The following NR3C2 variants were observed in gnomAD, a reference collection of about 807,000 sequenced individuals.
NR3C2 encodes the protein nuclear receptor subfamily 3 group C member 2.
Under a neutral mutation model 86.4 loss-of-function variants are expected in NR3C2, and 15 were observed. That is an observed-to-expected ratio of 0.17 (90% confidence interval 0.12 to 0.27). The LOEUF (loss-of-function observed/expected upper bound fraction) is 0.27, where lower values mean the gene tolerates loss of function less well. NR3C2 is among the 10% of genes least tolerant of loss of function. The pLI, the probability that NR3C2 is intolerant of heterozygous loss-of-function variation, is 1.00. For synonymous variants in NR3C2, 458 were observed against 450.5 expected (o/e 1.02, Z -0.21); for missense variants, 960 against 1,195.6 (o/e 0.80, Z 2.91).
rs79670786 is a variant in NR3C2, at chr4:148,248,815, G to T, written c.1897+11163C>A. Among the ~76,000 whole-genome samples, 188 of 152,160 alleles carry T rather than the reference G, an allele frequency of 1.2e-3. 7 individuals carry two copies. The East Asian group carries it at 0.033, about 27-fold the overall frequency. ...GTTTAAATATTCCAAATTTTATTGA[G>T]AACCAAGGTGTAATATTACTTAACA... On this transcript the variant is annotated intron_variant, in intron 3 of 8. Coordinates refer to ENST00000358102, the MANE Select transcript of NR3C2 (RefSeq NM_000901.5).
At chr4:148,265,704 A>G (rs1446455472) in intron 2 of NR3C2, among the ~76,000 whole-genome samples, 1 of 152,222 alleles carries the variant, frequency 6.6e-6, no homozygotes. Flanking sequence ...TTCCATATGT[A>G]ATCAATTCAA....
intron 2 of NR3C2, among the ~76,000 whole-genome samples, chr4:148,301,913 C>A (rs1742355686): frequency 6.6e-6 from 1 of 152,114 alleles, no homozygotes; most frequent in Non-Finnish European, 1.5e-5. Context: ...GTTATATTTT[C>A]AAGAATAGTA....
intron 2 of NR3C2, among the ~76,000 whole-genome samples, chr4:148,272,965 A>G (rs982379159): frequency 6.6e-6 from 1 of 152,232 alleles, no homozygotes; most frequent in Non-Finnish European, 1.5e-5. Flanking sequence ...AACTGCAAGA[A>G]GGCAAGAAAT....
At chr4:148,124,497 G>A (rs920801702) in intron 6 of NR3C2, among the ~76,000 whole-genome samples, 17 of 152,020 alleles carry the variant, frequency 1.1e-4, no homozygotes, top group African/African-American at 4.1e-4. Flanking sequence ...TTTCTCTTTG[G>A]TAGCTTTAAA....
chr4:148,235,378 T>C (rs1738699525), intron 3 of NR3C2, among the ~76,000 whole-genome samples: 1 of 151,834 alleles, frequency 6.6e-6, no homozygotes, highest in South Asian at 2.1e-4. Context: ...AAAGGGGATA[T>C]GCCGCTAACT....
At chr4:148,392,114 G>A (rs1404625584) in intron 2 of NR3C2, among the ~76,000 whole-genome samples, 1 of 151,982 alleles carries the variant, frequency 6.6e-6, no homozygotes, top group Non-Finnish European at 1.5e-5. Context: ...AAAAGAATCT[G>A]GTCAGCCAAA....
At chr4:148,388,727 T>C (rs934956753) in intron 2 of NR3C2, among the ~76,000 whole-genome samples, 1 of 152,332 alleles carries the variant, frequency 6.6e-6, no homozygotes, top group African/African-American at 2.4e-5. Context: ...AATGCCCAAA[T>C]ACTAATAAAA....
At chr4:148,237,427 G>A (rs749268982) in intron 3 of NR3C2, among the ~76,000 whole-genome samples, 3 of 151,986 alleles carry the variant, frequency 2.0e-5, no homozygotes, top group Non-Finnish European at 4.4e-5. Context: ...AGGTCTCTTC[G>A]CACTAAAAAT....
At chr4:148,135,817 G>A (rs1733279775) in intron 6 of NR3C2, among the ~76,000 whole-genome samples, 1 of 151,850 alleles carries the variant, frequency 6.6e-6, no homozygotes, top group Non-Finnish European at 1.5e-5. Context: ...AGCACTTTGG[G>A]AGGCCGAGGC....
At chr4:148,370,521 C>T (rs61762851) in intron 2 of NR3C2, among the ~76,000 whole-genome samples, 26 of 151,904 alleles carry the variant, frequency 1.7e-4, no homozygotes, top group Middle Eastern at 3.4e-3. Flanking sequence ...ACTGTATGTG[C>T]GTGTATTAGT....
At chr4:148,193,339 A>C (rs561796009) in intron 4 of NR3C2, among the ~76,000 whole-genome samples, 1 of 152,200 alleles carries the variant, frequency 6.6e-6, no homozygotes, top group Non-Finnish European at 1.5e-5. Context: ...GGTGTCTCCC[A>C]GGTCCTCCGG....
chr4:148,086,460 C>T (rs556161275), intron 8 of NR3C2, among the ~76,000 whole-genome samples: 24 of 152,270 alleles, frequency 1.6e-4, no homozygotes, highest in African/African-American at 4.3e-4. Context: ...AATAGCTGGG[C>T]GCGGTGGCTC....
In NR3C2 at chr4:148,081,031, A is replaced by AACTT; in HGVS notation, c.*309_*312dup. ...ACCAGAAACTACACGGCATAGTTAAAACTTCTTCCATCTGTGAAAATATCA... is the reference window on the plus strand; with the variant it reads ...ACCAGAAACTACACGGCATAGTTAAAACTTACTTCTTCCATCTGTGAAAATATCA... On this transcript the variant is annotated 3_prime_UTR_variant, in exon 9 of 9. Transcript: ENST00000358102. 9.9e-6 allele frequency: 4 copies of AACTT among 403,762 alleles called. No individual in the cohort carries two copies. The highest frequency in any genetic ancestry group is 8.0e-4 in the Middle Eastern group (1 of 1,246). 25.0% of individuals were successfully genotyped at this position (403,762 alleles called of 1,614,324 possible). A position where few individuals can be genotyped will look rare whatever the true frequency, so the allele number is the denominator to read the frequency against.
intron 2 of NR3C2, among the ~76,000 whole-genome samples, chr4:148,270,338 C>T (rs1278306881): frequency 6.6e-6 from 1 of 152,140 alleles, no homozygotes; most frequent in African/African-American, 2.4e-5. Flanking sequence ...ACTGTTCCAT[C>T]GGTCCACTTG....
chr4:148,152,642 A>G, intron 5 of NR3C2, 29 bp from the exon 6 acceptor site: 5 of 1,611,676 alleles, frequency 3.1e-6, no homozygotes, highest in Non-Finnish European at 4.2e-6. Flanking sequence ...AATCACAGAA[A>G]TACACTTAGC....
rs142749728 is a variant in NR3C2 at position 148,373,444 on chromosome 4, G to A, written c.1757+61660C>T. 5.4e-4 allele frequency among the ~76,000 whole-genome samples: 80 copies of A among 148,926 alleles called. 3 individuals carry two copies. The East Asian group carries it at 0.015, about 27-fold the overall frequency. The stretch of plus-strand genomic sequence containing the variant: ...AGAGTACCTTGGATTCCCAACAAAG[G>A]TTTGCTGACTTGAACTAAAGGATGA... On this transcript the variant is annotated intron_variant, in intron 2 of 8. Transcript: ENST00000358102.
At chr4:148,176,523 T>C (rs1735383169) in intron 4 of NR3C2, among the ~76,000 whole-genome samples, 1 of 152,198 alleles carries the variant, frequency 6.6e-6, no homozygotes, top group African/African-American at 2.4e-5. Context: ...GCCTCTACCT[T>C]TTCCCAGTAG....
At chr4:148,215,784 T>G (rs1737501830) in intron 3 of NR3C2, among the ~76,000 whole-genome samples, 1 of 150,392 alleles carries the variant, frequency 6.6e-6, no homozygotes, top group Admixed American at 6.6e-5. Context: ...GGCATAGTTT[T>G]TTTTTTTTTT....
At chr4:148,127,451 G>A (rs1578912485) in intron 6 of NR3C2, among the ~76,000 whole-genome samples, 1 of 152,174 alleles carries the variant, frequency 6.6e-6, no homozygotes, top group South Asian at 2.1e-4. Context: ...AGAGAAGCAA[G>A]CTCATATAAT....
Sources: allele counts gnomAD v4.1 joint callset (sites outside exome capture counted in the v4.1 genomes callset), GRCh38; gene constraint gnomAD v4.1.1; transcripts MANE v1.5; gene names NCBI Gene and HGNC (gene_info 2026-07-23, HGNC 2026-07-21).